The following MED17 variants were observed in gnomAD, a reference collection of about 807,000 sequenced individuals.
MED17 encodes mediator complex subunit 17, also known as mediator of RNA polymerase II transcription subunit 17.
A neutral mutation model predicts 80.8 loss-of-function variants in MED17; 49 were observed. That is an observed-to-expected ratio of 0.61 (90% CI 0.48 to 0.77). The LOEUF is 0.77. Among genes scored for constraint, MED17 ranks in the 30% least tolerant of loss-of-function variants. MED17 has a pLI of 0.00. For synonymous variants in MED17, 281 were observed against 280.4 expected, an observed-to-expected ratio of 1.00 and a Z score of -0.02; for missense variants, 718 against 787.0, an observed-to-expected ratio of 0.91 and a Z score of 1.05.
chr11:93,791,524 G>A (rs1591383649), intron 3 of MED17, among the ~76,000 whole-genome samples: 5 of 152,150 alleles, frequency 3.3e-5, no homozygotes, highest in Admixed American at 3.3e-4. Flanking sequence ...GGGCAACATG[G>A]CAAAACTTCA....
At chr11:93,810,950 A>G (rs915600019) in intron 11 of MED17, 3 of 152,278 alleles carry the variant, frequency 2.0e-5, no homozygotes, top group African/African-American at 7.2e-5. Flanking sequence ...GGTACAGCCT[A>G]CTACATGCAC....
At chr11:93,796,791 A>T (rs1943908132) in intron 7 of MED17, 2 of 452,996 alleles carry the variant, frequency 4.4e-6, no homozygotes, top group South Asian at 4.1e-5. Context: ...ACATGATGCT[A>T]AAGTGCAGAG....
intron 7 of MED17, among the ~76,000 whole-genome samples, chr11:93,796,755 C>G (rs1404830874): frequency 6.6e-6 from 1 of 152,174 alleles, no homozygotes; most frequent in African/African-American, 2.4e-5. Flanking sequence ...TAGAGATACA[C>G]AGGTTTTCAA....
rs1591380352 is a variant in MED17 at position 93,784,422 on chromosome 11, T to C, written c.-92T>C. ...CTGAGGCACCGCGGCTGCGGGCTTC[T>C]GAGTTCCCGGCTCTCCGCAGGGAAG... On this transcript the variant is annotated 5_prime_UTR_variant, in exon 1 of 12. Coordinates refer to ENST00000251871, the MANE Select transcript of MED17 (RefSeq NM_004268.5). The C allele has an allele frequency of 4.1e-6, 6 of 1,479,786 alleles. No individual in the cohort carries two copies. The East Asian group carries it at 1.4e-4, about 34-fold the overall frequency. The allele number at this position is 1,479,786 out of a possible 1,614,324, so 91.7% of individuals were successfully genotyped here.
chr11:93,788,693 A>C (rs1352470982), intron 2 of MED17: 1 of 153,626 alleles, frequency 6.5e-6, no homozygotes, highest in African/African-American at 2.4e-5. Flanking sequence ...AAAAAAAAAA[A>C]AAAAGAATGT....
rs144351555 is a variant in MED17 at position 93,792,582 on chromosome 11, A to G, written c.638-1146A>G. Among the ~76,000 whole-genome samples the G allele has an allele frequency of 7.5e-4, 114 of 152,268 alleles. 1 individual carries two copies. The East Asian group carries it at 0.021, about 28-fold the overall frequency. Reference sequence around the variant, plus strand: ...AGTTACATTGAACCACCTATTTCTTATGTAATTCAATGGCCCAGAACAACT... The same window carrying G: ...AGTTACATTGAACCACCTATTTCTTGTGTAATTCAATGGCCCAGAACAACT... On this transcript the variant is annotated intron_variant, in intron 3 of 11. Transcript: ENST00000251871.
chr11:93,789,790 C>T (rs1943812237), intron 2 of MED17: 1 of 92,502 alleles, frequency 1.1e-5, no homozygotes, highest in Admixed American at 1.6e-4. Flanking sequence ...AAGACCCTGT[C>T]TCTACCAAAA....
At chr11:93,790,362 C>T in intron 2 of MED17, 1 of 595,800 alleles carries the variant, frequency 1.7e-6, no homozygotes, top group East Asian at 3.3e-5. Context: ...TGAGTAGAGG[C>T]CATTGTAGTG....
chr11:93,791,809 C>G (rs942299568), intron 3 of MED17, among the ~76,000 whole-genome samples: 10 of 152,148 alleles, frequency 6.6e-5, no homozygotes, highest in Non-Finnish European at 1.5e-4. Flanking sequence ...AAGAAACTTT[C>G]TATTCTTTGC....
Position 93,797,649 on chromosome 11 carries a change from T to C in MED17, c.1258T>C (p.Ser420Pro). Residue 420 changes from serine (S) to proline (P), a missense_variant, in exon 8 of 12, where the codon TCA becomes CCA. By Grantham distance (74) the Ser-to-Pro change is moderately conservative. Coordinates refer to ENST00000251871, the MANE Select transcript of MED17 (RefSeq NM_004268.5). ...AGCTTTTGATAAAAATGAAATTAATTCATTACAGTCCAGTGAAGGGCTTCT... is the reference window on the plus strand; with the variant it reads ...AGCTTTTGATAAAAATGAAATTAATCCATTACAGTCCAGTGAAGGGCTTCT... ...PQAFDKNEINSLQSSEGLLEK... is the reference protein window; with the variant it reads ...PQAFDKNEINPLQSSEGLLEK... 1 of 1,613,866 alleles carries C rather than the reference T, an allele frequency of 6.2e-7. No individual in the cohort carries two copies.
chr11:93,792,102 C>T (rs1471710740), intron 3 of MED17, among the ~76,000 whole-genome samples: 1 of 152,124 alleles, frequency 6.6e-6, no homozygotes, highest in Non-Finnish European at 1.5e-5. Flanking sequence ...TATGGAAAAA[C>T]TTCATAGCTC....
chr11:93,794,645 C>A, intron 5 of MED17: 3 of 516,908 alleles, frequency 5.8e-6, no homozygotes, highest in Non-Finnish European at 1.0e-5. Context: ...TTGATACTTC[C>A]CTCTACAGGA....
In MED17 at chr11:93,797,718, A is replaced by G; in HGVS notation, c.1327A>G (p.Arg443Gly). 6.2e-7 allele frequency: 1 copy of G among 1,611,512 alleles called. No individual in the cohort carries two copies. Among genetic ancestry groups the G allele is most frequent in the Non-Finnish European group, 8.5e-7 (1 of 1,177,756 alleles). The change falls in exon 8 of 12, where the codon AGA (arginine) becomes GGA (glycine). Residue 443 changes from arginine (R) to glycine (G), a missense_variant and splice_region_variant. Physicochemically the swap from Arg to Gly is moderately radical, Grantham distance 125. Transcript: ENST00000251871. ...KQAKHIFLRS[R>G]AAATIDSLAS... Reference sequence around the variant, plus strand: ...AGCAAAGCATATTTTTCTAAGGAGTAGGTAAGGTTGAAGAAAGTTACTGTT... The same window carrying G: ...AGCAAAGCATATTTTTCTAAGGAGTGGGTAAGGTTGAAGAAAGTTACTGTT...
At chr11:93,785,444 G>T (rs1565287147) in intron 1 of MED17, among the ~76,000 whole-genome samples, 2 of 149,744 alleles carry the variant, frequency 1.3e-5, no homozygotes, top group African/African-American at 4.9e-5. Flanking sequence ...AAGGATTTTT[G>T]AAAAAAAAAT....
chr11:93,784,435 C>G lies in MED17; in HGVS notation c.-79C>G, dbSNP rs568458899. ...GCTGCGGGCTTCTGAGTTCCCGGCT[C>G]TCCGCAGGGAAGCCTCCTCTTCGTA... On this transcript the variant is annotated 5_prime_UTR_variant, in exon 1 of 12. Transcript: ENST00000251871. 2.0e-6 allele frequency: 3 copies of G among 1,506,216 alleles called. No individual in the cohort carries two copies. Among genetic ancestry groups the G allele is most frequent in the East Asian group, 4.6e-5 (2 of 43,340 alleles). The allele number at this position is 1,506,216 out of a possible 1,614,324, so 93.3% of individuals were successfully genotyped here.
At chr11:93,806,798 T>G (rs1944029746) in intron 9 of MED17, 1 of 152,194 alleles carries the variant, frequency 6.6e-6, no homozygotes, top group African/African-American at 2.4e-5. Context: ...TGGGAATGCC[T>G]TTGGATTTTC....
At chr11:93,801,249 A>G (rs565442543) in intron 8 of MED17, 1 of 152,968 alleles carries the variant, frequency 6.5e-6, no homozygotes, top group African/African-American at 2.4e-5. Context: ...ATTAAATGAT[A>G]TAATTCATGA....
At position 93,784,605 on chromosome 11, in the gene MED17, T is replaced by G. The variant is rs1943748165; in HGVS notation, c.92T>G (p.Leu31Arg). ...GGCCTGGATGGCACCGAGACGTACC[T>G]GCCCCCGCTGTCCATGTCGCAGAAT... ...EVGLDGTETY[L>R]PPLSMSQNLA... Residue 31 changes from leucine (L) to arginine (R), a missense_variant, in exon 1 of 12, where the codon CTG becomes CGG. Leu to Arg is a moderately radical substitution (Grantham distance 102). Coordinates refer to ENST00000251871, the MANE Select transcript of MED17 (RefSeq NM_004268.5). The G allele has an allele frequency of 1.9e-6, 3 of 1,602,746 alleles. No individual in the cohort carries two copies.
chr11:93,802,282 T>C (rs1304771254), intron 9 of MED17, among the ~76,000 whole-genome samples: 1 of 152,158 alleles, frequency 6.6e-6, no homozygotes, highest in Non-Finnish European at 1.5e-5. Context: ...AAAAAAATTT[T>C]TTTTAAGAAA....
Sources: gnomAD v4.1 joint callset for allele counts (sites outside exome capture counted in the v4.1 genomes callset) on GRCh38, gnomAD v4.1.1 for gene constraint, MANE v1.5 for transcripts, NCBI Gene and HGNC (gene_info 2026-07-23, HGNC 2026-07-21) for gene names.